SNURF: variants seen among roughly 807,000 people sequenced by gnomAD.
SNURF encodes SNURF protein.
A neutral mutation model predicts 11.6 loss-of-function variants in SNURF; 6 were observed. The observed-to-expected ratio is 0.52, with a 90% CI of 0.28 to 1.02. The LOEUF (loss-of-function observed/expected upper bound fraction) is 1.02, where lower values mean the gene tolerates loss of function less well. Among genes scored for constraint, SNURF ranks in the 50% least tolerant of loss-of-function variants. SNURF has a pLI of 0.09. For synonymous variants in SNURF, 29 were observed against 31.6 expected (o/e 0.92, Z 0.27); for missense variants, 84 against 88.4 (o/e 0.95, Z 0.20).
chr15:24,964,901 ATAACT>A (rs1173108373), intron 2 of SNURF, among the ~76,000 whole-genome samples: 1 of 152,200 alleles, frequency 6.6e-6, no homozygotes, highest in Non-Finnish European at 1.5e-5. Flanking sequence ...TGAAGAAGAA[ATAACT>A]TGAGTTTTTC....
chr15:24,966,525 T>G (rs1446262404), intron 2 of SNURF, among the ~76,000 whole-genome samples: 1 of 152,146 alleles, frequency 6.6e-6, no homozygotes, highest in African/African-American at 2.4e-5. Context: ...CCAGGAGGGC[T>G]TGCTCAAAAC....
At position 24,974,970 on chromosome 15, in the gene SNURF, T is replaced by C. The variant is rs1481218090; in HGVS notation, c.*46-388T>C. ...GATGGACTCTCAGGTCAGATTACAATAGAAATAAAGAGGGCTTTGAAAATG... is the reference window on the plus strand; with the variant it reads ...GATGGACTCTCAGGTCAGATTACAACAGAAATAAAGAGGGCTTTGAAAATG... On this transcript the variant is annotated intron_variant and NMD_transcript_variant, in intron 3 of 6. Transcript: ENST00000580062. 8 of 702,896 alleles carry C rather than the reference T, an allele frequency of 1.1e-5. No individual in the cohort carries two copies. In the East Asian group the frequency reaches 1.3e-4, roughly 12 times the overall value. The allele number at this position is 702,896 out of a possible 1,614,324, so 43.5% of individuals were successfully genotyped here. A position where few individuals can be genotyped will look rare whatever the true frequency, so the allele number is the denominator to read the frequency against.
intron 1 of SNURF, among the ~76,000 whole-genome samples, chr15:24,957,006 G>T (rs529491548): frequency 6.6e-6 from 1 of 152,246 alleles, no homozygotes; most frequent in Non-Finnish European, 1.5e-5. Context: ...CTGGAAAATC[G>T]TACCTTTTCA....
intron 1 of SNURF, among the ~76,000 whole-genome samples, 198 bp downstream of exon 1, chr15:24,955,260 G>C (rs1338432559): frequency 6.6e-6 from 1 of 152,044 alleles, no homozygotes; most frequent in African/African-American, 2.4e-5. Context: ...TATCCTGTCC[G>C]CTCGCATTGG....
intron 1 of SNURF, among the ~76,000 whole-genome samples, chr15:24,958,454 T>G (rs1301488083): frequency 7.0e-6 from 1 of 143,654 alleles, no homozygotes; most frequent in South Asian, 2.4e-4. Context: ...TAAGGTAGCC[T>G]CTCTCCATTT....
chr15:24,972,599 A>G (rs2076563336), downstream of SNURF, among the ~76,000 whole-genome samples: 1 of 145,526 alleles, frequency 6.9e-6, no homozygotes, highest in Admixed American at 7.0e-5. Context: ...GCTGGAGTGC[A>G]ATGGTGCGAT....
At chr15:24,957,222 G>C (rs2063081330) in intron 1 of SNURF, among the ~76,000 whole-genome samples, 1 of 152,248 alleles carries the variant, frequency 6.6e-6, no homozygotes, top group South Asian at 2.1e-4. Context: ...ATGGGTTGGG[G>C]GAGAGGACAT....
downstream of SNURF, among the ~76,000 whole-genome samples, chr15:24,972,747 A>G (rs184095990): frequency 4.6e-5 from 7 of 152,170 alleles, no homozygotes; most frequent in African/African-American, 1.4e-4. Flanking sequence ...TTTTATAAAT[A>G]ATGGAGAAAA....
exon 2 of SNURF, chr15:24,962,117 T>C: frequency 6.2e-7 from 1 of 1,614,080 alleles, no homozygotes; most frequent in Non-Finnish European, 8.5e-7. Context: ...GTTTCAGGGA[T>C]CGCTTACACC....
intron 1 of SNURF, among the ~76,000 whole-genome samples, chr15:24,957,968 A>G (rs553565519): frequency 6.6e-6 from 1 of 152,206 alleles, no homozygotes; most frequent in Admixed American, 6.5e-5. Flanking sequence ...TTTTGGAGGC[A>G]GGGAGTGGCA....
At chr15:24,955,287 G>A (rs1001668774) in intron 1 of SNURF, among the ~76,000 whole-genome samples, 1 of 151,920 alleles carries the variant, frequency 6.6e-6, no homozygotes, top group Non-Finnish European at 1.5e-5. Flanking sequence ...TCCCCCATCC[G>A]CCCCCAACTG....
At chr15:24,975,215 A>C in intron 3 of SNURF, 4 of 675,320 alleles carry the variant, frequency 5.9e-6, no homozygotes, top group Middle Eastern at 2.5e-4. Flanking sequence ...TAAATATGGA[A>C]GAATGTTGGT....
chr15:24,960,059 G>A (rs1450009602), intron 1 of SNURF, among the ~76,000 whole-genome samples: 2 of 152,080 alleles, frequency 1.3e-5, no homozygotes, highest in Non-Finnish European at 2.9e-5. Flanking sequence ...GAGGGCAGGA[G>A]CTCGACATCA....
At chr15:24,969,011 A>G (rs144043121), downstream of SNURF, among the ~76,000 whole-genome samples, 117 of 152,318 alleles carry the variant, frequency 7.7e-4, no homozygotes, top group African/African-American at 2.6e-3. Flanking sequence ...AAGTAAGAGC[A>G]GAGAGGAATT....
intron 2 of SNURF, among the ~76,000 whole-genome samples, chr15:24,965,146 T>C (rs2075424244): frequency 6.6e-6 from 1 of 152,184 alleles, no homozygotes; most frequent in South Asian, 2.1e-4. Context: ...ACTAGAAGTG[T>C]TCAATATTTA....
chr15:24,978,591 T>C (rs2077324093), downstream of SNURF: 2 of 762,682 alleles, frequency 2.6e-6, no homozygotes, highest in Middle Eastern at 3.8e-4. Context: ...TGAGGTACTG[T>C]TGTATATATT....
At chr15:24,971,474 G>A (rs775976834), downstream of SNURF, among the ~76,000 whole-genome samples, 120 of 151,914 alleles carry the variant, frequency 7.9e-4, 1 homozygote, top group Non-Finnish European at 1.6e-3. Context: ...TGCTGTAGGA[G>A]GTCAACTCCT....
At chr15:24,978,163 G>A, downstream of SNURF, 1 of 1,602,464 alleles carries the variant, frequency 6.2e-7, no homozygotes, top group South Asian at 1.1e-5. Context: ...CATTTTATGA[G>A]GCCTTTATTT....
downstream of SNURF, chr15:24,978,186 A>G (rs746246956): frequency 6.2e-7 from 1 of 1,609,632 alleles, no homozygotes; most frequent in East Asian, 2.2e-5. Flanking sequence ...ACCATTTTTC[A>G]CTGTAGGCAT....
Sources: allele counts gnomAD v4.1 joint callset (sites outside exome capture counted in the v4.1 genomes callset), GRCh38; gene constraint gnomAD v4.1.1; transcripts MANE v1.5; gene names NCBI Gene and HGNC (gene_info 2026-07-23, HGNC 2026-07-21).